RSU1: variants seen among roughly 807,000 people sequenced by gnomAD.
The protein encoded by RSU1 is rsu-1.
RSU1 carries 26 observed loss-of-function variants against 31.1 expected under a neutral mutation model. That is an observed-to-expected ratio of 0.84 (90% CI 0.61 to 1.16). The LOEUF (loss-of-function observed/expected upper bound fraction) is 1.16. Among genes scored for constraint, RSU1 ranks in the 50% most tolerant of loss-of-function variants. The pLI is 0.00. For missense variants in RSU1, 320 were observed against 339.1 expected, an observed-to-expected ratio of 0.94 and a Z score of 0.44; for synonymous variants, 164 against 136.3, an observed-to-expected ratio of 1.20 and a Z score of -1.41.
rs571054930 is a variant in RSU1, at chr10:16,779,485, G to C, written c.160+2549C>G. Among the ~76,000 whole-genome samples, 86 of 152,280 alleles carry C rather than the reference G, an allele frequency of 5.6e-4. 1 individual carries two copies. Among genetic ancestry groups the C allele is most frequent in the African/African-American group, 2.1e-3 (86 of 41,558 alleles). ...ATCTTAAGTCAGTGGAGTCAACAGT[G>C]TCCCCAAATCAATGTCCCAGTTTGA... On this transcript the variant is annotated intron_variant, in intron 3 of 8. Transcript: ENST00000345264.
At chr10:16,630,940 G>C (rs865828164) in intron 8 of RSU1, among the ~76,000 whole-genome samples, 1 of 152,202 alleles carries the variant, frequency 6.6e-6, no homozygotes, top group Non-Finnish European at 1.5e-5. Flanking sequence ...TTCTCACTGC[G>C]AGCAAGGGTT....
intron 3 of RSU1, among the ~76,000 whole-genome samples, chr10:16,772,621 A>G (rs1398216886): frequency 1.4e-5 from 2 of 147,656 alleles, no homozygotes. Flanking sequence ...AAACACTGGA[A>G]AGAGAGAGGA....
chr10:16,610,654 C>G (rs529602843), intron 8 of RSU1, among the ~76,000 whole-genome samples: 53 of 152,206 alleles, frequency 3.5e-4, no homozygotes, highest in African/African-American at 1.2e-3. Context: ...CTCAGGGCTC[C>G]CACTGATTGT....
At chr10:16,641,154 A>G (rs917668906) in intron 8 of RSU1, among the ~76,000 whole-genome samples, 5 of 152,224 alleles carry the variant, frequency 3.3e-5, no homozygotes, top group African/African-American at 7.2e-5. Context: ...GTACCCTGGA[A>G]CTTAAAATGA....
intron 8 of RSU1, among the ~76,000 whole-genome samples, chr10:16,626,469 C>G (rs1834160137): frequency 6.6e-6 from 1 of 152,118 alleles, no homozygotes; most frequent in Non-Finnish European, 1.5e-5. Flanking sequence ...CCTGATCAAT[C>G]CTTTTCCTTT....
chr10:16,608,155 CTGT>C (rs1833836219), intron 8 of RSU1, among the ~76,000 whole-genome samples: 1 of 152,182 alleles, frequency 6.6e-6, no homozygotes. Context: ...TTAGACAGCA[CTGT>C]ATTATTTTCC....
intron 8 of RSU1, among the ~76,000 whole-genome samples, chr10:16,612,122 G>T (rs561745814): frequency 6.6e-6 from 1 of 152,164 alleles, no homozygotes; most frequent in Admixed American, 6.5e-5. Context: ...GCCACACTAC[G>T]CTCAGAACTG....
chr10:16,649,211 T>C (rs1412204623), intron 8 of RSU1, among the ~76,000 whole-genome samples: 3 of 152,208 alleles, frequency 2.0e-5, no homozygotes, highest in African/African-American at 7.2e-5. Flanking sequence ...CCTAACAAAA[T>C]GCAGATTAGA....
At chr10:16,696,283 G>T (rs1835675293) in intron 7 of RSU1, among the ~76,000 whole-genome samples, 1 of 152,192 alleles carries the variant, frequency 6.6e-6, no homozygotes, top group South Asian at 2.1e-4. Flanking sequence ...TGTTTTCATA[G>T]ATGGTAACTC....
At chr10:16,622,064 A>C (rs1363200593) in intron 8 of RSU1, among the ~76,000 whole-genome samples, 1 of 152,192 alleles carries the variant, frequency 6.6e-6, no homozygotes, top group Non-Finnish European at 1.5e-5. Context: ...CCTGTATCAA[A>C]ACAACTCATG....
chr10:16,726,937 T>C (rs1267997020), intron 7 of RSU1: 1 of 405,626 alleles, frequency 2.5e-6, no homozygotes, highest in Non-Finnish European at 5.0e-6. Context: ...TTGACTGTTT[T>C]ATAAACAAGA....
intron 8 of RSU1, among the ~76,000 whole-genome samples, chr10:16,609,478 G>C (rs1306294101): frequency 6.6e-6 from 1 of 152,232 alleles, no homozygotes; most frequent in Non-Finnish European, 1.5e-5. Context: ...GAAGGTGCTA[G>C]AGCATGCTAA....
chr10:16,801,793 G>A (rs1270505966), intron 2 of RSU1, among the ~76,000 whole-genome samples: 1 of 151,858 alleles, frequency 6.6e-6, no homozygotes, highest in Non-Finnish European at 1.5e-5. Flanking sequence ...ACATGTCAAA[G>A]AAATGTCAAA....
At chr10:16,649,079 G>C (rs1204732329) in intron 8 of RSU1, among the ~76,000 whole-genome samples, 6 of 152,128 alleles carry the variant, frequency 3.9e-5, no homozygotes, top group Non-Finnish European at 7.4e-5. Flanking sequence ...AACTTTATGA[G>C]CTTGCTTATT....
At chr10:16,694,208 G>A (rs958226935) in intron 8 of RSU1, among the ~76,000 whole-genome samples, 3 of 152,158 alleles carry the variant, frequency 2.0e-5, no homozygotes, top group Non-Finnish European at 4.4e-5. Flanking sequence ...GAGGACTTGA[G>A]GTATTTGGAT....
intron 8 of RSU1, among the ~76,000 whole-genome samples, chr10:16,632,754 C>G (rs970918462): frequency 6.6e-6 from 1 of 152,116 alleles, no homozygotes; most frequent in Non-Finnish European, 1.5e-5. Context: ...GACTGAGCAA[C>G]ATGGCAAAAC....
At chr10:16,623,868 T>C (rs1834113297) in intron 8 of RSU1, among the ~76,000 whole-genome samples, 1 of 152,182 alleles carries the variant, frequency 6.6e-6, no homozygotes, top group South Asian at 2.1e-4. Flanking sequence ...GAAACTAGAA[T>C]TCAGTGGATA....
intron 7 of RSU1, among the ~76,000 whole-genome samples, chr10:16,711,058 C>T (rs1295622580): frequency 6.6e-6 from 1 of 152,138 alleles, no homozygotes; most frequent in Non-Finnish European, 1.5e-5. Context: ...TTTCTCTATC[C>T]AGGAAAGACT....
chr10:16,763,920 C>A (rs979369839), intron 4 of RSU1, among the ~76,000 whole-genome samples: 2 of 152,198 alleles, frequency 1.3e-5, no homozygotes, highest in Non-Finnish European at 2.9e-5. Flanking sequence ...AAAGACAGGA[C>A]TGTCACCTCT....
Sources: allele counts gnomAD v4.1 joint callset (sites outside exome capture counted in the v4.1 genomes callset), GRCh38; gene constraint gnomAD v4.1.1; transcripts MANE v1.5; gene names NCBI Gene and HGNC (gene_info 2026-07-23, HGNC 2026-07-21).